The following PCDHA13 variants were observed in gnomAD, a reference collection of about 807,000 sequenced individuals.
PCDHA13 encodes protocadherin alpha 13, also known as protocadherin alpha-13.
Under a neutral mutation model 64.8 loss-of-function variants are expected in PCDHA13, and 54 were observed. That is an observed-to-expected ratio of 0.83 (90% confidence interval 0.67 to 1.04). The LOEUF (loss-of-function observed/expected upper bound fraction) is 1.04. Ranked by LOEUF, PCDHA13 falls within the 50% of genes least tolerant of loss-of-function variation. The pLI is 0.00. For synonymous variants in PCDHA13, 587 were observed against 564.4 expected, an observed-to-expected ratio of 1.04 and a Z score of -0.57; for missense variants, 1,248 against 1,254.3, an observed-to-expected ratio of 0.99 and a Z score of 0.08.
intron 1 of PCDHA13, among the ~76,000 whole-genome samples, chr5:140,926,081 T>C (rs2153580512): frequency 6.6e-6 from 1 of 152,334 alleles, no homozygotes; most frequent in Admixed American, 6.5e-5. Flanking sequence ...TCTATTGCCC[T>C]CTTGGCAGCT....
intron 1 of PCDHA13, among the ~76,000 whole-genome samples, chr5:140,914,309 C>A (rs1461023041): frequency 1.3e-5 from 2 of 152,082 alleles, no homozygotes; most frequent in Non-Finnish European, 2.9e-5. Flanking sequence ...TGAATTGACC[C>A]CATTATCATT....
intron 1 of PCDHA13, among the ~76,000 whole-genome samples, chr5:140,943,553 CAAT>C (rs1554215748): frequency 6.6e-6 from 1 of 152,026 alleles, no homozygotes; most frequent in East Asian, 1.9e-4. Context: ...TAGACGTAGA[CAAT>C]AATCATTTTA....
intron 1 of PCDHA13, among the ~76,000 whole-genome samples, chr5:140,948,945 A>C: frequency 6.6e-6 from 1 of 151,662 alleles, no homozygotes; most frequent in East Asian, 1.9e-4. Flanking sequence ...TCTAATATAA[A>C]AAAATTAAAG....
rs781999874 is a variant in PCDHA13, at chr5:140,883,965, T to A, written c.1697T>A (p.Leu566Gln). The change falls in exon 1 of 4, where the codon CTG becomes CAG. Residue 566 changes from leucine (L) to glutamine (Q), a missense_variant. Physicochemically the swap from Leu to Gln is moderately radical, Grantham distance 113 (BLOSUM62 -2). Coordinates refer to ENST00000289272, the MANE Select transcript of PCDHA13 (RefSeq NM_018904.3). ...GAGAACGACAACGCTCCGGCGCTGCTGACGCCCGGGGCTGGCAGCGCGGGA... is the reference window on the plus strand; with the variant it reads ...GAGAACGACAACGCTCCGGCGCTGCAGACGCCCGGGGCTGGCAGCGCGGGA... ...LDENDNAPALLTPGAGSAGGT... is the reference protein window; with the variant it reads ...LDENDNAPALQTPGAGSAGGT... The A allele has an allele frequency of 1.9e-6, 3 of 1,613,128 alleles. No homozygotes were observed. The highest frequency in any genetic ancestry group is 2.5e-6 in the Non-Finnish European group (3 of 1,179,728).
intron 1 of PCDHA13, among the ~76,000 whole-genome samples, chr5:140,942,993 AT>A (rs1228666837): frequency 3.3e-5 from 5 of 152,166 alleles, no homozygotes; most frequent in African/African-American, 1.2e-4. Context: ...GTGGTGGCTC[AT>A]GCCTGTAATC....
Position 140,883,531 on chromosome 5 carries a change from T to G in PCDHA13, c.1263T>G (p.Tyr421Ter). The stretch of plus-strand genomic sequence containing the variant: ...TGGACCGCGAGAGCGTATCAGCCTA[T>G]GAACTGGTGGTGACCGCGCGGGACG... Reference protein sequence around the residue: ...SALDRESVSAYELVVTARDGG... With the variant: ...SALDRESVSA Residue 421 changes from tyrosine to a stop codon, truncating the protein, a stop_gained, in exon 1 of 4, where the codon TAT (tyrosine) becomes TAG (stop). Coordinates refer to ENST00000289272, the MANE Select transcript of PCDHA13 (RefSeq NM_018904.3). LOFTEE classifies it high-confidence loss of function. The G allele has an allele frequency of 6.2e-7, 1 of 1,614,210 alleles. No individual in the cohort carries two copies. The highest frequency in any genetic ancestry group is 8.5e-7 in the Non-Finnish European group (1 of 1,180,044).
chr5:141,009,563 C>A, intron 3 of PCDHA13, 64 bp from the exon 4 acceptor site: 1 of 1,571,920 alleles, frequency 6.4e-7, no homozygotes, highest in Non-Finnish European at 8.6e-7. Flanking sequence ...TGTACTCTAC[C>A]AGCAGTGTGG....
intron 1 of PCDHA13, among the ~76,000 whole-genome samples, chr5:140,914,464 A>T (rs923814955): frequency 5.9e-5 from 9 of 152,130 alleles, no homozygotes; most frequent in Non-Finnish European, 1.3e-4. Flanking sequence ...GTCTATGTGT[A>T]TCTTCATAGG....
At chr5:140,898,720 T>C (rs1343662110) in intron 1 of PCDHA13, among the ~76,000 whole-genome samples, 5 of 152,214 alleles carry the variant, frequency 3.3e-5, no homozygotes, top group African/African-American at 4.8e-5. Flanking sequence ...TTTCCAATTC[T>C]GTGAAGAAAG....
intron 3 of PCDHA13, among the ~76,000 whole-genome samples, chr5:141,000,931 T>G (rs1422337935): frequency 1.3e-5 from 2 of 152,188 alleles, no homozygotes; most frequent in African/African-American, 4.8e-5. Flanking sequence ...CCTGTGTGAT[T>G]TAGGACAAAT....
intron 3 of PCDHA13, among the ~76,000 whole-genome samples, chr5:141,003,696 T>C (rs1554259206): frequency 6.6e-6 from 1 of 152,210 alleles, no homozygotes; most frequent in East Asian, 1.9e-4. Flanking sequence ...AATATATCCC[T>C]ACCAATTGTG....
In PCDHA13 at chr5:140,978,987, C is replaced by T; in HGVS notation, c.2433C>T (p.Ser811=). 4 of 1,614,162 alleles carry T rather than the reference C, an allele frequency of 2.5e-6. No homozygotes were observed. In the South Asian group the frequency reaches 3.3e-5, roughly 13 times the overall value. The change falls in exon 2 of 4, where the codon TCC becomes TCT. Residue 811 remains serine (S), a synonymous_variant. Transcript: ENST00000289272. ...QPNPDWRYSA[S]LRAGMHSSVH... ...ACCCTGACTGGCGTTACTCTGCCTC[C>T]CTGAGAGCAGGCATGCACAGGTATG...
chr5:140,999,995 A>G (rs1174530266), intron 3 of PCDHA13, among the ~76,000 whole-genome samples: 1 of 152,068 alleles, frequency 6.6e-6, no homozygotes, highest in Non-Finnish European at 1.5e-5. Flanking sequence ...GGGTAGTGGT[A>G]TTAGATTGGC....
intron 3 of PCDHA13, among the ~76,000 whole-genome samples, chr5:140,995,791 T>C (rs547359105): frequency 1.3e-5 from 2 of 152,266 alleles, no homozygotes; most frequent in South Asian, 4.1e-4. Context: ...TTAAAATTTG[T>C]CTCATGTTAG....
At chr5:140,900,139 G>A (rs985320509) in intron 1 of PCDHA13, among the ~76,000 whole-genome samples, 2 of 152,156 alleles carry the variant, frequency 1.3e-5, no homozygotes, top group East Asian at 3.9e-4. Context: ...CCACAAATAA[G>A]TAAGAACATA....
chr5:140,892,509 A>G (rs2063553980), intron 1 of PCDHA13, among the ~76,000 whole-genome samples: 1 of 152,220 alleles, frequency 6.6e-6, no homozygotes, highest in Admixed American at 6.5e-5. Context: ...AAGAAGTTCC[A>G]CCATGACTGG....
rs576802253 is a variant in PCDHA13 at position 140,888,837 on chromosome 5, C to T, written c.2394+4175C>T. ...GATCTGTGATCACATCACTCCACTG[C>T]AGCCTGGTGACAGAGTGAGACCATG... is the stretch of plus-strand genomic sequence containing the variant. On this transcript the variant is annotated intron_variant, in intron 1 of 3. Coordinates refer to ENST00000289272, the MANE Select transcript of PCDHA13 (RefSeq NM_018904.3). Among the ~76,000 whole-genome samples, 5 of 152,130 alleles carry T rather than the reference C, an allele frequency of 3.3e-5. No individual in the cohort carries two copies. In the South Asian group the frequency reaches 1.0e-3, roughly 32 times the overall value.
In PCDHA13 at chr5:141,009,945, A is replaced by C. The variant is rs2098415489; in HGVS notation, c.*8A>C. 5.0e-6 allele frequency: 8 copies of C among 1,596,112 alleles called. No homozygotes were observed. The highest frequency in any genetic ancestry group is 6.8e-6 in the Non-Finnish European group (8 of 1,173,736). On this transcript the variant is annotated 3_prime_UTR_variant, in exon 4 of 4. Coordinates refer to ENST00000289272, the MANE Select transcript of PCDHA13 (RefSeq NM_018904.3). ...GACAACAGTGACCAGTGAGGTCCTCAAATGGAAACAAGCCACTTAGCCAGT... is the reference window on the plus strand; with the variant it reads ...GACAACAGTGACCAGTGAGGTCCTCCAATGGAAACAAGCCACTTAGCCAGT...
intron 3 of PCDHA13, among the ~76,000 whole-genome samples, chr5:141,006,952 A>G (rs2098296225): frequency 1.3e-5 from 2 of 152,212 alleles, no homozygotes; most frequent in South Asian, 4.1e-4. Flanking sequence ...ATAGGCAGTT[A>G]TACATGAGAT....
Sources: gnomAD v4.1 joint callset for allele counts (sites outside exome capture counted in the v4.1 genomes callset) on GRCh38, gnomAD v4.1.1 for gene constraint, MANE v1.5 for transcripts, NCBI Gene and HGNC (gene_info 2026-07-23, HGNC 2026-07-21) for gene names.